The following TMEM272 variants were observed in gnomAD, a reference collection of about 807,000 sequenced individuals.
TMEM272 encodes transmembrane protein 272.
TMEM272 carries 8 observed loss-of-function variants against 3.7 expected under a neutral mutation model. The observed-to-expected ratio is 2.17, with a 90% CI of 1.27 to 3.91. The LOEUF is 3.91. Ranked by LOEUF, TMEM272 falls within the 30% of genes most tolerant of loss-of-function variation. The probability of loss-of-function intolerance (pLI) is 0.00; values close to 1 mark genes in which losing one functional copy is unlikely to be tolerated. For synonymous variants in TMEM272, 63 were observed against 39.8 expected (o/e 1.58, Z -2.20); for missense variants, 166 against 91.5 (o/e 1.81, Z -3.32).
the TMEM272 span, among the ~76,000 whole-genome samples, chr13:51,918,159 G>C: frequency 4.3e-4 from 65 of 152,298 alleles, no homozygotes; most frequent in Admixed American, 1.8e-3. Context: ...GGCATTTCTT[G>C]AATGTTTCTC....
At chr13:51,921,396 CAGG>C in the TMEM272 span, 1 of 152,236 alleles carries the variant, frequency 6.6e-6, no homozygotes, top group African/African-American at 2.4e-5. Context: ...CACAGAAATC[CAGG>C]AGACTTAAAT....
At chr13:51,834,825 T>C (rs988658365) in intron 2 of TMEM272, among the ~76,000 whole-genome samples, 1 of 152,246 alleles carries the variant, frequency 6.6e-6, no homozygotes, top group African/African-American at 2.4e-5. Context: ...TGAGTTATCC[T>C]ATGAGGGCTA....
At chr13:51,848,251 T>C (rs954984994), upstream of TMEM272, among the ~76,000 whole-genome samples, 5 of 152,062 alleles carry the variant, frequency 3.3e-5, no homozygotes, top group African/African-American at 7.2e-5. Flanking sequence ...CAAAGCAAAG[T>C]AGGTGCGATT....
At chr13:51,867,815 C>T in the TMEM272 span, among the ~76,000 whole-genome samples, 1 of 152,064 alleles carries the variant, frequency 6.6e-6, no homozygotes, top group Non-Finnish European at 1.5e-5. Context: ...GGAGAGAATT[C>T]GATTTCAAGA....
intron 2 of TMEM272, among the ~76,000 whole-genome samples, chr13:51,828,826 C>T (rs1437170351): frequency 6.6e-6 from 1 of 152,196 alleles, no homozygotes. Context: ...ATGAGGAAAG[C>T]GTGTTGTGTC....
the TMEM272 span, chr13:51,865,319 G>C: frequency 7.1e-7 from 1 of 1,400,226 alleles, no homozygotes; most frequent in Non-Finnish European, 9.7e-7. Flanking sequence ...TGTCTTTTCT[G>C]CTGCCCCCAC....
At chr13:51,917,223 TC>T in the TMEM272 span, among the ~76,000 whole-genome samples, 6 of 152,070 alleles carry the variant, frequency 3.9e-5, no homozygotes, top group African/African-American at 1.4e-4. Flanking sequence ...ACCAGCGACA[TC>T]CCAGGTCTCT....
chr13:51,882,455 A>G, the TMEM272 span, among the ~76,000 whole-genome samples: 1 of 152,342 alleles, frequency 6.6e-6, no homozygotes, highest in South Asian at 2.1e-4. Context: ...TGGTTTTGTA[A>G]ATTAGCGTCC....
the TMEM272 span, among the ~76,000 whole-genome samples, chr13:51,864,704 T>C: frequency 6.6e-6 from 1 of 152,192 alleles, no homozygotes; most frequent in Non-Finnish European, 1.5e-5. Flanking sequence ...TTCCTCAGGG[T>C]TTATACCTGG....
At chr13:51,887,510 T>C in the TMEM272 span, among the ~76,000 whole-genome samples, 1 of 152,370 alleles carries the variant, frequency 6.6e-6, no homozygotes, top group South Asian at 2.1e-4. Flanking sequence ...CATCTTTCTA[T>C]ACACCTGCTT....
At position 51,840,448 on chromosome 13, in the gene TMEM272, G is replaced by A. The variant is rs572300549; in HGVS notation, c.-23-1895C>T. 3.3e-5 allele frequency among the ~76,000 whole-genome samples: 5 copies of A among 152,306 alleles called. No homozygotes were observed. In the East Asian group the frequency reaches 7.7e-4, roughly 24 times the overall value. On this transcript the variant is annotated intron_variant, in intron 1 of 4. Transcript: ENST00000629372. ...TTGGAATCCAGGTGTCTTAAAATCTGCCAAACTTGAGGTGCCTACTCTCTG... is the reference window on the plus strand; with the variant it reads ...TTGGAATCCAGGTGTCTTAAAATCTACCAAACTTGAGGTGCCTACTCTCTG...
the TMEM272 span, among the ~76,000 whole-genome samples, chr13:51,881,182 A>T: frequency 6.6e-6 from 1 of 152,214 alleles, no homozygotes; most frequent in African/African-American, 2.4e-5. Context: ...TAGGTCACAC[A>T]TGCTGAGGCT....
At chr13:51,865,345 G>A in the TMEM272 span, 23 of 1,536,272 alleles carry the variant, frequency 1.5e-5, no homozygotes, top group Admixed American at 6.3e-5. Context: ...CTGACCAGCC[G>A]ACCTGGACCT....
At chr13:51,923,295 C>T in the TMEM272 span, among the ~76,000 whole-genome samples, 1 of 152,234 alleles carries the variant, frequency 6.6e-6, no homozygotes, top group Admixed American at 6.5e-5. Flanking sequence ...CCTCTCTGCC[C>T]CATCGCCTGT....
intron 2 of TMEM272, among the ~76,000 whole-genome samples, chr13:51,833,955 G>T (rs867626858): frequency 3.9e-5 from 6 of 152,168 alleles, no homozygotes; most frequent in Admixed American, 6.5e-5. Flanking sequence ...GGGGGCTGCT[G>T]AGGGTGGAAC....
rs570762712 is a variant in TMEM272 at position 51,831,307 on chromosome 13, C to G, written c.59-4682G>C. 3.3e-5 allele frequency among the ~76,000 whole-genome samples: 5 copies of G among 152,250 alleles called. No individual in the cohort carries two copies. The South Asian group carries it at 1.0e-3, about 32-fold the overall frequency. On this transcript the variant is annotated intron_variant, in intron 2 of 4. Transcript: ENST00000629372. The stretch of plus-strand genomic sequence containing the variant: ...CGTGGTGGTGCACCTGTGGTCCCAG[C>G]TACTGGGGAGGCTGGCTGAGATGGA...
the TMEM272 span, among the ~76,000 whole-genome samples, chr13:51,850,937 C>A: frequency 2.0e-5 from 3 of 152,286 alleles, no homozygotes; most frequent in East Asian, 5.8e-4. Context: ...TAGAATATAT[C>A]CCGCTAAGGA....
At chr13:51,923,245 A>C in the TMEM272 span, among the ~76,000 whole-genome samples, 1 of 152,180 alleles carries the variant, frequency 6.6e-6, no homozygotes, top group Non-Finnish European at 1.5e-5. Context: ...TGACAAACCA[A>C]GTCCAGTCCT....
chr13:51,841,139 C>T (rs1164834144), intron 1 of TMEM272, among the ~76,000 whole-genome samples: 1 of 152,252 alleles, frequency 6.6e-6, no homozygotes, highest in Non-Finnish European at 1.5e-5. Flanking sequence ...GCCCAGTTAT[C>T]TAAAGGGGCC....
Sources: allele counts gnomAD v4.1 joint callset (sites outside exome capture counted in the v4.1 genomes callset), GRCh38; gene constraint gnomAD v4.1.1; transcripts MANE v1.5; gene names NCBI Gene and HGNC (gene_info 2026-07-23, HGNC 2026-07-21).